The following SCHIP1 variants were observed in gnomAD, a reference collection of about 807,000 sequenced individuals.
The protein encoded by SCHIP1 is schwannomin-interacting protein 1.
In SCHIP1, 8 loss-of-function variants were observed where a neutral mutation model predicts 29.7. The ratio of observed to expected loss-of-function variants is 0.27; its 90% CI spans 0.16 to 0.49. The LOEUF (loss-of-function observed/expected upper bound fraction) is 0.49. SCHIP1 is among the 20% of genes least tolerant of loss of function. The probability of loss-of-function intolerance (pLI) is 0.99; values close to 1 mark genes in which losing one functional copy is unlikely to be tolerated. For missense variants in SCHIP1, 193 were observed against 294.6 expected, an observed-to-expected ratio of 0.66 and a Z score of 2.52; for synonymous variants, 76 against 94.9, an observed-to-expected ratio of 0.80 and a Z score of 1.16.
the SCHIP1 span, among the ~76,000 whole-genome samples, chr3:159,767,941 C>T: frequency 5.3e-5 from 8 of 152,278 alleles, no homozygotes; most frequent in South Asian, 1.0e-3. Flanking sequence ...TTGCCTGGAA[C>T]ATGCCTGGGA....
At chr3:159,652,913 A>G in the SCHIP1 span, among the ~76,000 whole-genome samples, 1 of 152,230 alleles carries the variant, frequency 6.6e-6, no homozygotes, top group African/African-American at 2.4e-5. Flanking sequence ...GCCAAGCACA[A>G]AAAGACAAAA....
At chr3:159,411,101 G>T in the SCHIP1 span, among the ~76,000 whole-genome samples, 1 of 151,950 alleles carries the variant, frequency 6.6e-6, no homozygotes, top group Non-Finnish European at 1.5e-5. Flanking sequence ...GGAGACAGAG[G>T]ATAGAATAAT....
the SCHIP1 span, among the ~76,000 whole-genome samples, chr3:159,629,021 A>G: frequency 2.6e-5 from 4 of 152,220 alleles, no homozygotes; most frequent in Non-Finnish European, 5.9e-5. Context: ...TATCCTAAAA[A>G]TAATAGATGA....
At chr3:159,329,808 GA>G in the SCHIP1 span, among the ~76,000 whole-genome samples, 80 of 151,756 alleles carry the variant, frequency 5.3e-4, no homozygotes, top group African/African-American at 1.9e-3. Context: ...TTTCCCAATT[GA>G]AAACTCTCAA....
chr3:159,478,185 A>G, the SCHIP1 span, among the ~76,000 whole-genome samples: 3 of 152,136 alleles, frequency 2.0e-5, no homozygotes, highest in African/African-American at 7.2e-5. Flanking sequence ...AGCCTCCCAA[A>G]GTGCTGGGAT....
the SCHIP1 span, among the ~76,000 whole-genome samples, chr3:159,588,346 T>C: frequency 1.3e-5 from 2 of 152,206 alleles, no homozygotes; most frequent in South Asian, 4.1e-4. Context: ...ATTTGAGTTC[T>C]TTGTAGATTC....
chr3:159,632,623 G>A, the SCHIP1 span, among the ~76,000 whole-genome samples: 1 of 152,128 alleles, frequency 6.6e-6, no homozygotes, highest in Non-Finnish European at 1.5e-5. Context: ...TCTCAAACTT[G>A]GAACAAATAG....
chr3:159,694,019 C>A, the SCHIP1 span, among the ~76,000 whole-genome samples: 3 of 152,044 alleles, frequency 2.0e-5, no homozygotes, highest in African/African-American at 7.3e-5. Context: ...ATGGTGAGCA[C>A]CTGTAGGCGA....
At chr3:159,308,149 G>A in the SCHIP1 span, among the ~76,000 whole-genome samples, 2 of 151,998 alleles carry the variant, frequency 1.3e-5, no homozygotes, top group Non-Finnish European at 2.9e-5. Flanking sequence ...CATTGAATCT[G>A]TAAATTGCTT....
At chr3:159,496,822 A>T in the SCHIP1 span, among the ~76,000 whole-genome samples, 2 of 152,208 alleles carry the variant, frequency 1.3e-5, no homozygotes, top group African/African-American at 2.4e-5. Context: ...TTATTGCGGC[A>T]CTATTCACAA....
At chr3:159,613,800 C>T in the SCHIP1 span, among the ~76,000 whole-genome samples, 1 of 152,176 alleles carries the variant, frequency 6.6e-6, no homozygotes. Context: ...CAGATGTGAT[C>T]ATTTTTGCTC....
At chr3:159,368,947 G>A in the SCHIP1 span, among the ~76,000 whole-genome samples, 1 of 152,164 alleles carries the variant, frequency 6.6e-6, no homozygotes, top group Non-Finnish European at 1.5e-5. Context: ...AAGTAAGTCA[G>A]GACAACCACT....
the SCHIP1 span, among the ~76,000 whole-genome samples, chr3:159,677,953 AG>A: frequency 6.6e-6 from 1 of 152,160 alleles, no homozygotes; most frequent in Admixed American, 6.5e-5. Flanking sequence ...CTCCCACCTC[AG>A]CATCCCCAAA....
chr3:159,772,764 G>A, the SCHIP1 span, among the ~76,000 whole-genome samples: 24 of 151,850 alleles, frequency 1.6e-4, no homozygotes, highest in African/African-American at 5.1e-4. Context: ...TTTTTGAGAC[G>A]GAATCTTGCT....
chr3:159,581,474 G>T, the SCHIP1 span, among the ~76,000 whole-genome samples: 1 of 152,136 alleles, frequency 6.6e-6, no homozygotes, highest in Non-Finnish European at 1.5e-5. Flanking sequence ...GCCCACCCGC[G>T]CCAGCAAAGA....
chr3:159,871,505 T>A (rs1244579611), intron 2 of SCHIP1, among the ~76,000 whole-genome samples: 1 of 152,214 alleles, frequency 6.6e-6, no homozygotes, highest in African/African-American at 2.4e-5. Flanking sequence ...CCTAAAATAG[T>A]ATCTAATACA....
the SCHIP1 span, among the ~76,000 whole-genome samples, chr3:159,368,383 A>T: frequency 2.0e-5 from 3 of 152,158 alleles, no homozygotes; most frequent in Non-Finnish European, 4.4e-5. Flanking sequence ...TATTTCACAC[A>T]TCTAGCCATA....
At chr3:159,292,449 G>T in the SCHIP1 span, among the ~76,000 whole-genome samples, 1 of 152,108 alleles carries the variant, frequency 6.6e-6, no homozygotes, top group East Asian at 1.9e-4. Flanking sequence ...TCATTATAAT[G>T]ATATGTGTTC....
intron 2 of SCHIP1, among the ~76,000 whole-genome samples, chr3:159,882,390 A>G (rs969216625): frequency 1.3e-5 from 2 of 152,224 alleles, no homozygotes; most frequent in Non-Finnish European, 2.9e-5. Flanking sequence ...CGTAGATACT[A>G]GTGGTCTAAG....
Sources: gnomAD v4.1 joint callset for allele counts (sites outside exome capture counted in the v4.1 genomes callset) on GRCh38, gnomAD v4.1.1 for gene constraint, MANE v1.5 for transcripts, NCBI Gene and HGNC (gene_info 2026-07-23, HGNC 2026-07-21) for gene names.